PTPRM: variants seen among roughly 807,000 people sequenced by gnomAD.
PTPRM encodes the protein receptor-type tyrosine-protein phosphatase mu.
In PTPRM, 47 loss-of-function variants were observed where a neutral mutation model predicts 186.7. The ratio of observed to expected loss-of-function variants is 0.25; its 90% CI spans 0.20 to 0.32. PTPRM has a LOEUF of 0.32. Among genes scored for constraint, PTPRM ranks in the 10% least tolerant of loss-of-function variants. The pLI is 1.00. For missense variants in PTPRM, 1,494 were observed against 1,865.0 expected (o/e 0.80, Z 3.66); for synonymous variants, 668 against 674.9 (o/e 0.99, Z 0.16).
chr18:7,803,902 A>G (rs2044100881), intron 2 of PTPRM, among the ~76,000 whole-genome samples: 3 of 152,216 alleles, frequency 2.0e-5, no homozygotes, highest in Non-Finnish European at 4.4e-5. Flanking sequence ...TAGTAAAGAA[A>G]AAAAAGAATG....
chr18:8,286,579 T>C (rs2094959595), intron 19 of PTPRM, among the ~76,000 whole-genome samples: 1 of 152,214 alleles, frequency 6.6e-6, no homozygotes, highest in East Asian at 1.9e-4. Flanking sequence ...GTATTCACAT[T>C]CTTCAGTAAG....
At chr18:7,711,916 CTT>C (rs1463901441) in intron 1 of PTPRM, among the ~76,000 whole-genome samples, 1 of 152,152 alleles carries the variant, frequency 6.6e-6, no homozygotes. Context: ...CTTTAGGAGA[CTT>C]AAACGTTCCT....
At chr18:7,876,378 AC>A (rs1266117048) in intron 2 of PTPRM, among the ~76,000 whole-genome samples, 3 of 152,202 alleles carry the variant, frequency 2.0e-5, no homozygotes, top group Admixed American at 6.5e-5. Flanking sequence ...TTAAAAAAAA[AC>A]ATTTAAAACT....
intron 14 of PTPRM, among the ~76,000 whole-genome samples, chr18:8,147,261 T>G (rs1172497303): frequency 6.6e-6 from 1 of 152,214 alleles, no homozygotes; most frequent in African/African-American, 2.4e-5. Context: ...TTCACAATCT[T>G]AATTCTTCCT....
At chr18:7,657,209 C>T (rs990664825) in intron 1 of PTPRM, among the ~76,000 whole-genome samples, 10 of 152,296 alleles carry the variant, frequency 6.6e-5, no homozygotes, top group Middle Eastern at 3.4e-3. Flanking sequence ...AAGGCCAGGA[C>T]GCTCTGTGTG....
chr18:7,898,867 C>G (rs2049510234), intron 3 of PTPRM, among the ~76,000 whole-genome samples: 1 of 152,176 alleles, frequency 6.6e-6, no homozygotes, highest in South Asian at 2.1e-4. Flanking sequence ...ACAGAGAACA[C>G]TGAATTAGTG....
At chr18:8,324,903 ACTCATGTAT>A (rs2095366425) in intron 22 of PTPRM, among the ~76,000 whole-genome samples, 2 of 152,160 alleles carry the variant, frequency 1.3e-5, no homozygotes, top group South Asian at 4.1e-4. Context: ...GATTACTTTA[ACTCATGTAT>A]GTATCAATGC....
At chr18:8,025,234 C>T (rs559654721) in intron 7 of PTPRM, among the ~76,000 whole-genome samples, 42 of 152,290 alleles carry the variant, frequency 2.8e-4, no homozygotes, top group African/African-American at 9.4e-4. Context: ...TCTGGTTTCT[C>T]TCCACTTAGA....
intron 1 of PTPRM, among the ~76,000 whole-genome samples, chr18:7,724,201 T>C (rs1416003854): frequency 3.3e-5 from 5 of 152,204 alleles, no homozygotes; most frequent in Non-Finnish European, 7.3e-5. Context: ...AGTAACACTT[T>C]TCTAATTTTT....
At chr18:7,906,443 G>GTATATATATACCA in intron 3 of PTPRM, 62 bp from the exon 4 acceptor site, 2 of 1,242,524 alleles carry the variant, frequency 1.6e-6, no homozygotes, top group Non-Finnish European at 2.4e-6. Flanking sequence ...TTATATATAG[G>GTATATATATACCA]AGATACTTGG....
intron 13 of PTPRM, among the ~76,000 whole-genome samples, chr18:8,118,752 A>G (rs1383122796): frequency 1.3e-5 from 2 of 149,886 alleles, no homozygotes; most frequent in African/African-American, 2.5e-5. Context: ...GTGAGCTGAG[A>G]TTGCACCATT....
intron 7 of PTPRM, among the ~76,000 whole-genome samples, chr18:8,032,772 G>T (rs16952768): frequency 6.6e-6 from 1 of 151,852 alleles, no homozygotes; most frequent in Non-Finnish European, 1.5e-5. Context: ...TTAGAAAAGC[G>T]GCATTTCATA....
chr18:7,933,694 G>A (rs571911383), intron 5 of PTPRM, among the ~76,000 whole-genome samples: 18 of 152,302 alleles, frequency 1.2e-4, no homozygotes, highest in South Asian at 6.2e-4. Context: ...CTTCAGGTGA[G>A]CATCAAAAGT....
chr18:8,376,031 A>G lies in PTPRM; in HGVS notation c.3172-15A>G. 1.3e-6 allele frequency: 2 copies of G among 1,597,586 alleles called. No homozygotes were observed. Among genetic ancestry groups the G allele is most frequent in the Non-Finnish European group, 1.7e-6 (2 of 1,166,324 alleles). ...CCTTGTTCTCTTCCTTGTTCTGGCT[A>G]ACCAACTACTGCAGAGAGGTGTGCA... On this transcript the variant is annotated splice_polypyrimidine_tract_variant and intron_variant, in intron 24 of 32. Transcript: ENST00000580170.
chr18:8,018,350 T>A (rs1457968633), intron 7 of PTPRM, among the ~76,000 whole-genome samples: 4 of 152,194 alleles, frequency 2.6e-5, no homozygotes, highest in Non-Finnish European at 2.9e-5. Context: ...CAGCTGTATT[T>A]GCTGTGCATT....
At chr18:8,217,796 C>T (rs1313795333) in intron 14 of PTPRM, among the ~76,000 whole-genome samples, 1 of 152,168 alleles carries the variant, frequency 6.6e-6, no homozygotes, top group Non-Finnish European at 1.5e-5. Flanking sequence ...TACATCACTA[C>T]ACGTATACAC....
intron 7 of PTPRM, among the ~76,000 whole-genome samples, chr18:7,984,602 T>TACACACACAC (rs1555676946): frequency 1.2e-3 from 107 of 87,168 alleles, no homozygotes; most frequent in Middle Eastern, 5.6e-3. Context: ...TATATATATA[T>TACACACACAC]ACACACACAC....
At chr18:7,665,892 A>G (rs1291665405) in intron 1 of PTPRM, among the ~76,000 whole-genome samples, 1 of 152,098 alleles carries the variant, frequency 6.6e-6, no homozygotes, top group African/African-American at 2.4e-5. Flanking sequence ...ACTGCACTCC[A>G]GCCTGGTGAC....
chr18:8,354,212 T>TAAAA (rs3049398), intron 23 of PTPRM, among the ~76,000 whole-genome samples: 2 of 143,954 alleles, frequency 1.4e-5, no homozygotes. Context: ...GATTCCGTCT[T>TAAAA]AAAAAAAAAA....
Sources: gnomAD v4.1 joint callset for allele counts (sites outside exome capture counted in the v4.1 genomes callset) on GRCh38, gnomAD v4.1.1 for gene constraint, MANE v1.5 for transcripts, NCBI Gene and HGNC (gene_info 2026-07-23, HGNC 2026-07-21) for gene names.